PLCXD3: variants seen among roughly 807,000 people sequenced by gnomAD.
PLCXD3 encodes phosphatidylinositol specific phospholipase C X domain containing 3.
Under a neutral mutation model 25.5 loss-of-function variants are expected in PLCXD3, and 19 were observed. That is an observed-to-expected ratio of 0.75 (90% CI 0.52 to 1.09). PLCXD3 has a LOEUF of 1.09. PLCXD3 is among the 50% of genes least tolerant of loss of function. PLCXD3 has a pLI of 0.00. For synonymous variants in PLCXD3, 174 were observed against 137.6 expected (o/e 1.26, Z -1.85); for missense variants, 411 against 388.1 (o/e 1.06, Z -0.50).
At chr5:41,424,485 A>G (rs1414417856) in intron 1 of PLCXD3, among the ~76,000 whole-genome samples, 1 of 152,172 alleles carries the variant, frequency 6.6e-6, no homozygotes, top group Non-Finnish European at 1.5e-5. Context: ...GGTTGTGGTG[A>G]GCCAAGATCG....
chr5:41,336,269 G>T (rs1743977170), intron 2 of PLCXD3, among the ~76,000 whole-genome samples: 1 of 152,104 alleles, frequency 6.6e-6, no homozygotes, highest in African/African-American at 2.4e-5. Flanking sequence ...TGAAGACTTT[G>T]GAGCAGAGTG....
intron 2 of PLCXD3, among the ~76,000 whole-genome samples, chr5:41,344,318 A>G (rs1744244500): frequency 1.3e-5 from 2 of 152,170 alleles, no homozygotes; most frequent in African/African-American, 2.4e-5. Context: ...AGTAGACTCA[A>G]TAATTAAGGT....
At chr5:41,400,800 T>C (rs1746159093) in intron 1 of PLCXD3, among the ~76,000 whole-genome samples, 1 of 152,030 alleles carries the variant, frequency 6.6e-6, no homozygotes. Context: ...TTGACTATAG[T>C]CAAATAATAA....
intron 1 of PLCXD3, among the ~76,000 whole-genome samples, chr5:41,419,944 C>A (rs2150505743): frequency 6.6e-6 from 1 of 152,242 alleles, no homozygotes; most frequent in Non-Finnish European, 1.5e-5. Context: ...CAGTAAGCAC[C>A]TTTAGTAGCT....
Position 41,444,268 on chromosome 5 carries a change from T to G in PLCXD3, c.104-61734A>C, listed in dbSNP as rs188815554. ...TGTCCCCAAGATTCCTCAAGCTTTCTTAGGAGGGTTAATATTATCATCAAT... is the reference window on the plus strand; with the variant it reads ...TGTCCCCAAGATTCCTCAAGCTTTCGTAGGAGGGTTAATATTATCATCAAT... On this transcript the variant is annotated intron_variant, in intron 1 of 2. Coordinates refer to ENST00000377801, the MANE Select transcript of PLCXD3 (RefSeq NM_001005473.3). Among the ~76,000 whole-genome samples, 232 of 152,296 alleles carry G rather than the reference T, an allele frequency of 1.5e-3. 1 individual carries two copies. Among genetic ancestry groups the G allele is most frequent in the African/African-American group, 4.7e-3 (197 of 41,554 alleles).
At chr5:41,410,504 A>G (rs555299032) in intron 1 of PLCXD3, among the ~76,000 whole-genome samples, 124 of 152,118 alleles carry the variant, frequency 8.2e-4, no homozygotes, top group African/African-American at 2.9e-3. Flanking sequence ...GGATGTCGCA[A>G]TGCCAAGCCC....
chr5:41,461,955 A>G (rs1747885313), intron 1 of PLCXD3, among the ~76,000 whole-genome samples: 2 of 151,974 alleles, frequency 1.3e-5, no homozygotes, highest in African/African-American at 4.8e-5. Flanking sequence ...TGTAATTGAC[A>G]CCTTGGTTCT....
chr5:41,467,858 A>G (rs540745493), intron 1 of PLCXD3, among the ~76,000 whole-genome samples: 3 of 152,272 alleles, frequency 2.0e-5, no homozygotes, highest in South Asian at 2.1e-4. Context: ...GCCAAAAATC[A>G]GTTGACTGTA....
chr5:41,475,758 A>C, intron 1 of PLCXD3: 1 of 533,978 alleles, frequency 1.9e-6, no homozygotes, highest in Non-Finnish European at 3.9e-6. Flanking sequence ...TTACTACTTG[A>C]GACCATCATT....
At chr5:41,426,131 G>A (rs1474183991) in intron 1 of PLCXD3, among the ~76,000 whole-genome samples, 1 of 152,018 alleles carries the variant, frequency 6.6e-6, no homozygotes, top group African/African-American at 2.4e-5. Context: ...TCAGTGTTCT[G>A]GATTTGGGTC....
At chr5:41,376,975 G>A (rs561541555) in intron 2 of PLCXD3, among the ~76,000 whole-genome samples, 3 of 152,248 alleles carry the variant, frequency 2.0e-5, no homozygotes, top group African/African-American at 7.2e-5. Flanking sequence ...CTTCTTTGGA[G>A]TCTCACAAAT....
chr5:41,413,746 T>A (rs1386551068), intron 1 of PLCXD3, among the ~76,000 whole-genome samples: 1 of 152,164 alleles, frequency 6.6e-6, no homozygotes, highest in African/African-American at 2.4e-5. Flanking sequence ...AATCTCCCAG[T>A]GTGAGTAGGC....
At chr5:41,479,785 T>C (rs1301544251) in intron 1 of PLCXD3, among the ~76,000 whole-genome samples, 2 of 152,084 alleles carry the variant, frequency 1.3e-5, no homozygotes, top group African/African-American at 2.4e-5. Context: ...TTTGAAATCA[T>C]TGAAATTAAT....
chr5:41,419,798 C>T (rs139891796), intron 1 of PLCXD3, among the ~76,000 whole-genome samples: 4 of 152,128 alleles, frequency 2.6e-5, no homozygotes, highest in Non-Finnish European at 5.9e-5. Flanking sequence ...AGACCATAGA[C>T]CAACCTCACT....
chr5:41,426,954 CTT>C, intron 1 of PLCXD3, among the ~76,000 whole-genome samples: 1 of 152,164 alleles, frequency 6.6e-6, no homozygotes, highest in East Asian at 1.9e-4. Context: ...ATATTTTACT[CTT>C]TTCTGATCAC....
chr5:41,424,472 G>A (rs569523063), intron 1 of PLCXD3, among the ~76,000 whole-genome samples: 4 of 152,170 alleles, frequency 2.6e-5, no homozygotes, highest in South Asian at 2.1e-4. Flanking sequence ...CCTGGGAGGC[G>A]GAGGTTGTGG....
At chr5:41,409,611 T>C (rs1189127797) in intron 1 of PLCXD3, among the ~76,000 whole-genome samples, 3 of 152,222 alleles carry the variant, frequency 2.0e-5, no homozygotes, top group African/African-American at 7.2e-5. Context: ...TCATTTTATT[T>C]AGTTGCATAT....
chr5:41,361,054 A>G (rs1190604508), intron 2 of PLCXD3, among the ~76,000 whole-genome samples: 1 of 146,244 alleles, frequency 6.8e-6, no homozygotes, highest in Non-Finnish European at 1.5e-5. Context: ...CTGAGCTCAG[A>G]CTCTCCATGG....
At chr5:41,437,366 G>A (rs1747278500) in intron 1 of PLCXD3, among the ~76,000 whole-genome samples, 1 of 152,224 alleles carries the variant, frequency 6.6e-6, no homozygotes, top group African/African-American at 2.4e-5. Flanking sequence ...CACTGAAAGT[G>A]AATGCATAAA....
Sources: allele counts gnomAD v4.1 joint callset (sites outside exome capture counted in the v4.1 genomes callset), GRCh38; gene constraint gnomAD v4.1.1; transcripts MANE v1.5; gene names NCBI Gene and HGNC (gene_info 2026-07-23, HGNC 2026-07-21).